Variants in GYPC observed in about 807,000 individuals in gnomAD.
GYPC encodes the protein glycophorin-C.
In GYPC, 14 loss-of-function variants were observed where a neutral mutation model predicts 12.6. That is an observed-to-expected ratio of 1.11 (90% CI 0.74 to 1.74). The LOEUF (loss-of-function observed/expected upper bound fraction) is 1.74. Ranked by LOEUF, GYPC falls within the 40% of genes most tolerant of loss-of-function variation. The pLI is 0.00. For missense variants in GYPC, 225 were observed against 172.1 expected, an observed-to-expected ratio of 1.31 and a Z score of -1.72; for synonymous variants, 78 against 62.1, an observed-to-expected ratio of 1.26 and a Z score of -1.20.
intron 1 of GYPC, among the ~76,000 whole-genome samples, chr2:126,661,935 T>A (rs1207519488): frequency 6.6e-6 from 1 of 152,248 alleles, no homozygotes; most frequent in African/African-American, 2.4e-5. Context: ...CACACCCTGA[T>A]GGCTCTGTTT....
At chr2:126,669,812 T>C (rs1573561253) in intron 1 of GYPC, among the ~76,000 whole-genome samples, 2 of 152,136 alleles carry the variant, frequency 1.3e-5, no homozygotes, top group South Asian at 2.1e-4. Flanking sequence ...TTATTATTAT[T>C]ATTTCCTGGA....
chr2:126,684,147 G>A (rs1683224462), intron 1 of GYPC, among the ~76,000 whole-genome samples: 1 of 152,122 alleles, frequency 6.6e-6, no homozygotes, highest in African/African-American at 2.4e-5. Flanking sequence ...GGGATTGTTG[G>A]GGGACTGTTG....
At chr2:126,685,613 G>C (rs1234396155) in intron 1 of GYPC, among the ~76,000 whole-genome samples, 2 of 152,054 alleles carry the variant, frequency 1.3e-5, no homozygotes, top group East Asian at 3.9e-4. Context: ...TTGAACTCCT[G>C]ACCTCAGGTG....
chr2:126,692,206 G>A (rs575159720), intron 2 of GYPC, among the ~76,000 whole-genome samples: 12 of 152,074 alleles, frequency 7.9e-5, no homozygotes, highest in African/African-American at 2.2e-4. Context: ...CCTGGCTCCC[G>A]AGACCCAGAT....
In GYPC at chr2:126,674,780, C is replaced by T. The variant is rs140139480; in HGVS notation, c.50-15475C>T. Among the ~76,000 whole-genome samples the T allele has an allele frequency of 3.4e-3, 515 of 152,206 alleles. 5 individuals carry two copies. Among genetic ancestry groups the T allele is most frequent in the African/African-American group, 0.012 (499 of 41,514 alleles). On this transcript the variant is annotated intron_variant, in intron 1 of 3. Transcript: ENST00000259254. ...CTCTGGCTGGAGGGGTTCACCCCTC[C>T]GAATCCCACCCCTGCCACACACACA...
chr2:126,664,505 A>G (rs935858704), intron 1 of GYPC, among the ~76,000 whole-genome samples: 1 of 152,240 alleles, frequency 6.6e-6, no homozygotes, highest in Non-Finnish European at 1.5e-5. Flanking sequence ...CTCAGAGACC[A>G]CAGTGCTTCT....
At chr2:126,669,953 C>T (rs1356609729) in intron 1 of GYPC, among the ~76,000 whole-genome samples, 2 of 152,186 alleles carry the variant, frequency 1.3e-5, no homozygotes, top group Non-Finnish European at 2.9e-5. Flanking sequence ...CTGGCCACAT[C>T]TCGTCTTCCT....
At chr2:126,683,385 A>G (rs1404458398) in intron 1 of GYPC, among the ~76,000 whole-genome samples, 2 of 152,106 alleles carry the variant, frequency 1.3e-5, no homozygotes, top group Non-Finnish European at 2.9e-5. Flanking sequence ...ACAGCTGACA[A>G]AGTCCTCTCC....
intron 1 of GYPC, among the ~76,000 whole-genome samples, chr2:126,663,028 A>G (rs1682574959): frequency 1.3e-5 from 2 of 151,674 alleles, no homozygotes; most frequent in Non-Finnish European, 2.9e-5. Context: ...CTGCTCCTTC[A>G]TGGTTTTTAT....
intron 1 of GYPC, among the ~76,000 whole-genome samples, chr2:126,670,200 C>T (rs1166590398): frequency 6.6e-6 from 1 of 152,218 alleles, no homozygotes; most frequent in South Asian, 2.1e-4. Flanking sequence ...TGCTGCAGCA[C>T]GCCACTGCCC....
chr2:126,672,068 G>A (rs941369966), intron 1 of GYPC, among the ~76,000 whole-genome samples: 1 of 152,192 alleles, frequency 6.6e-6, no homozygotes, highest in South Asian at 2.1e-4. Context: ...GGGCCAGGTG[G>A]CTGGGGGATG....
chr2:126,686,168 G>A, intron 1 of GYPC: 8 of 985,430 alleles, frequency 8.1e-6, no homozygotes, highest in Non-Finnish European at 9.6e-6. Context: ...AGAGGCTCTT[G>A]GTGGCAACAG....
chr2:126,659,371 G>C (rs573548194), intron 1 of GYPC, among the ~76,000 whole-genome samples: 198 of 152,346 alleles, frequency 1.3e-3, no homozygotes, highest in African/African-American at 4.3e-3. Context: ...GGGCAGAGCA[G>C]AGGCCAGAGC....
intron 1 of GYPC, among the ~76,000 whole-genome samples, chr2:126,661,008 C>A (rs1682519301): frequency 6.6e-6 from 1 of 152,214 alleles, no homozygotes; most frequent in Non-Finnish European, 1.5e-5. Flanking sequence ...TGGCTCCTCT[C>A]CTTAGACTAT....
rs552576267 is a variant in GYPC, at chr2:126,667,407, T to G, written c.49+11095T>G. On this transcript the variant is annotated intron_variant, in intron 1 of 3. Coordinates refer to ENST00000259254, the MANE Select transcript of GYPC (RefSeq NM_002101.5). Reference sequence around the variant, plus strand: ...TGATCTGGATATCTTTTTTTTTTCTTTTTTTTTTTTTTGGAGATGGAGTCT... The same window carrying G: ...TGATCTGGATATCTTTTTTTTTTCTGTTTTTTTTTTTTGGAGATGGAGTCT... Among the ~76,000 whole-genome samples, 72 of 147,040 alleles carry G rather than the reference T, an allele frequency of 4.9e-4. 1 individual carries two copies. The highest frequency in any genetic ancestry group is 1.8e-3 in the Admixed American group (26 of 14,784).
intron 1 of GYPC, among the ~76,000 whole-genome samples, chr2:126,677,464 A>ATGTGTGT (rs1558884886): frequency 2.8e-5 from 4 of 145,246 alleles, no homozygotes; most frequent in African/African-American, 1.1e-4. Flanking sequence ...AGAGTGTGAC[A>ATGTGTGT]GTGTGTGTGT....
rs1683553733 is a variant in GYPC, at chr2:126,693,891, CG to C, written c.136del (p.Asp46MetfsTer11). ...AEPDPGMSGW[P>X]DGRMETSTPT... is the part of the protein sequence containing the mutation. ...CCTGATCCAGGGATGTCTGGATGGC[CG>C]GATGGCAGAATGGAGACCTCCACCC... On this transcript the variant is annotated frameshift_variant, in exon 3 of 4. Transcript: ENST00000259254. LOFTEE classifies it high-confidence loss of function. 1.2e-6 allele frequency: 2 copies of C among 1,612,070 alleles called. No individual in the cohort carries two copies. The highest frequency in any genetic ancestry group is 8.5e-7 in the Non-Finnish European group (1 of 1,178,188).
chr2:126,686,061 G>GT (rs1683280945), intron 1 of GYPC: 14 of 984,972 alleles, frequency 1.4e-5, no homozygotes, highest in African/African-American at 3.5e-5. Flanking sequence ...ATGGCAGAGG[G>GT]GAGCCATAGG....
intron 1 of GYPC, among the ~76,000 whole-genome samples, chr2:126,689,886 T>C (rs1444967117): frequency 6.6e-6 from 1 of 152,210 alleles, no homozygotes; most frequent in Non-Finnish European, 1.5e-5. Context: ...CATCAGACAC[T>C]CCACAAACAT....
Sources: allele counts gnomAD v4.1 joint callset (sites outside exome capture counted in the v4.1 genomes callset), GRCh38; gene constraint gnomAD v4.1.1; transcripts MANE v1.5; gene names NCBI Gene and HGNC (gene_info 2026-07-23, HGNC 2026-07-21).